SKOR2: variants seen among roughly 807,000 people sequenced by gnomAD.
SKOR2 encodes the protein LBX1 corepressor 1-like protein.
Under a neutral mutation model 69.1 loss-of-function variants are expected in SKOR2, and 47 were observed. That is an observed-to-expected ratio of 0.68 (90% CI 0.54 to 0.87). The LOEUF (loss-of-function observed/expected upper bound fraction) is 0.87. Ranked by LOEUF, SKOR2 falls within the 40% of genes least tolerant of loss-of-function variation. The pLI, the probability that SKOR2 is intolerant of heterozygous loss-of-function variation, is 0.00. For synonymous variants in SKOR2, 717 were observed against 672.6 expected (o/e 1.07, Z -1.02); for missense variants, 1,404 against 1,472.2 (o/e 0.95, Z 0.76).
At position 47,246,633 on chromosome 18, in the gene SKOR2, T is replaced by C. The variant is rs576557959; in HGVS notation, c.2551A>G (p.Ser851Gly). ...TGAACTGGGCTGCCCGGGCTGCTGC[T>C]GCCGCCGCCACTCGCCTTCTGGGGG... Reference protein sequence around the residue: ...LAPQKASGGGSSSPGSPVHHP... With the variant: ...LAPQKASGGGGSSPGSPVHHP... Residue 851 changes from serine (S) to glycine (G), a missense_variant, in exon 2 of 9, where the codon AGC becomes GGC. Coordinates refer to ENST00000425639, the MANE Select transcript of SKOR2 (RefSeq NM_001278063.4). 337 of 1,517,134 alleles carry C rather than the reference T, an allele frequency of 2.2e-4. 3 individuals carry two copies. The African/African-American group carries it at 3.7e-3, about 17-fold the overall frequency. The allele number at this position is 1,517,134 out of a possible 1,614,324, so 94.0% of individuals were successfully genotyped here. A position where few individuals can be genotyped will look rare whatever the true frequency, so the allele number is the denominator to read the frequency against.
intron 7 of SKOR2, among the ~76,000 whole-genome samples, chr18:47,216,459 A>G (rs1215760799): frequency 6.6e-6 from 1 of 152,192 alleles, no homozygotes; most frequent in African/African-American, 2.4e-5. Context: ...TAAATCTCAC[A>G]TTGAGATAAG....
intron 7 of SKOR2, among the ~76,000 whole-genome samples, chr18:47,217,344 G>T (rs34901639): frequency 1.3e-5 from 2 of 152,048 alleles, no homozygotes; most frequent in Non-Finnish European, 2.9e-5. Context: ...CCTTATAGCC[G>T]TTCATTTTGG....
At position 47,246,943 on chromosome 18, in the gene SKOR2, C is replaced by T; in HGVS notation, c.2241G>A (p.Glu747=). The change falls in exon 2 of 9, where the codon GAG becomes GAA. Residue 747 remains glutamate (E), a synonymous_variant. Transcript: ENST00000425639. ...DEEEEQEVDV[E]GHKPPEGEEE... is the part of the protein sequence containing the mutation. ...CCTCGCCCTCGGGGGGCTTGTGGCC[C>T]TCCACGTCCACCTCCTGCTCTTCTT... The T allele has an allele frequency of 5.3e-6, 8 of 1,497,470 alleles. No homozygotes were observed. Among genetic ancestry groups the T allele is most frequent in the Non-Finnish European group, 7.1e-6 (8 of 1,129,894 alleles). The allele number at this position is 1,497,470 out of a possible 1,614,324, so 92.8% of individuals were successfully genotyped here.
In SKOR2 at chr18:47,248,241, C is replaced by A. The variant is rs1000286259; in HGVS notation, c.943G>T (p.Asp315Tyr). Reference protein sequence around the residue: ...HHKRPRFDDDDDSLQEAAVVA... With the variant: ...HHKRPRFDDDYDSLQEAAVVA... Reference sequence around the variant, plus strand: ...ACGGCGGCCTCCTGCAAGGAGTCGTCGTCGTCGTCGAAGCGCGGCCGCTTG... The same window carrying A: ...ACGGCGGCCTCCTGCAAGGAGTCGTAGTCGTCGTCGAAGCGCGGCCGCTTG... The change falls in exon 2 of 9, where the codon GAC (aspartate) becomes TAC (tyrosine). Residue 315 changes from aspartate to tyrosine, a missense_variant. This residue lies in a region of SKOR2 where 1,266 missense variants were observed against 1,309.9 expected (regional missense o/e 0.97). Coordinates refer to ENST00000425639, the MANE Select transcript of SKOR2 (RefSeq NM_001278063.4). The surrounding 1 kb of genome is among the most constrained non-coding windows in gnomAD (Gnocchi z 6.4). 6 of 1,223,976 alleles carry A rather than the reference C, an allele frequency of 4.9e-6. No individual in the cohort carries two copies. The highest frequency in any genetic ancestry group is 3.9e-5 in the South Asian group (1 of 25,764). 75.8% of individuals were successfully genotyped at this position (1,223,976 alleles called of 1,614,324 possible). A position where few individuals can be genotyped will look rare whatever the true frequency, so the allele number is the denominator to read the frequency against.
intron 6 of SKOR2, among the ~76,000 whole-genome samples, chr18:47,227,326 A>ATT (rs778462203): frequency 0.018 from 1,659 of 91,158 alleles, 196 homozygotes; most frequent in African/African-American, 0.025. Flanking sequence ...CAAGAAGCCA[A>ATT]TTTTTTTTTT....
Position 47,246,612 on chromosome 18 carries a change from C to T in SKOR2, c.2572G>A (p.Val858Ile). Residue 858 changes from valine to isoleucine, a missense_variant, in exon 2 of 9, where the codon GTT becomes ATT. By Grantham distance (29) the Val-to-Ile change is conservative. This residue lies in a region of SKOR2 where 1,266 missense variants were observed against 1,309.9 expected (regional missense o/e 0.97). Transcript: ENST00000425639. Reference protein sequence around the residue: ...GGGSSSPGSPVHHPSLEEQPS... With the variant: ...GGGSSSPGSPIHHPSLEEQPS... Reference sequence around the variant, plus strand: ...TGCTCCTCCAGTGATGGATGGTGAACTGGGCTGCCCGGGCTGCTGCTGCCG... The same window carrying T: ...TGCTCCTCCAGTGATGGATGGTGAATTGGGCTGCCCGGGCTGCTGCTGCCG... 1.3e-6 allele frequency: 2 copies of T among 1,522,260 alleles called. No homozygotes were observed. Among genetic ancestry groups the T allele is most frequent in the Non-Finnish European group, 1.8e-6 (2 of 1,140,880 alleles). 94.3% of individuals were successfully genotyped at this position (1,522,260 alleles called of 1,614,324 possible).
intron 8 of SKOR2, among the ~76,000 whole-genome samples, chr18:47,207,509 G>A (rs991436587): frequency 7.9e-5 from 12 of 152,090 alleles, no homozygotes; most frequent in Non-Finnish European, 1.8e-4. Context: ...TCAGCTGTAG[G>A]GGGGTGAAAG....
At chr18:47,241,538 G>A (rs2064248660) in intron 4 of SKOR2, among the ~76,000 whole-genome samples, 1 of 152,070 alleles carries the variant, frequency 6.6e-6, no homozygotes, top group African/African-American at 2.4e-5. Flanking sequence ...AGCTGACGGT[G>A]CACCAAGTTA....
At chr18:47,222,734 A>AG in intron 6 of SKOR2, among the ~76,000 whole-genome samples, 2 of 152,330 alleles carry the variant, frequency 1.3e-5, no homozygotes, top group East Asian at 3.9e-4. Flanking sequence ...ATTAGGAAGG[A>AG]GGGGCTGCCT....
At position 47,249,167 on chromosome 18, in the gene SKOR2, A is replaced by T; in HGVS notation, c.17T>A (p.Leu6Gln). ...CAGCAGGATGTCGTTGGGCCCTGGC[A>T]GCGGACTGGAAGCCATCTCCGCCGC... Reference protein sequence around the residue: MASSPLPGPNDILLAS... With the variant: MASSPQPGPNDILLAS... Residue 6 changes from leucine (L) to glutamine (Q), a missense_variant, in exon 2 of 9, where the codon CTG becomes CAG. Leu to Gln is a moderately radical substitution (Grantham distance 113). Coordinates refer to ENST00000425639, the MANE Select transcript of SKOR2 (RefSeq NM_001278063.4). 3.3e-6 allele frequency: 5 copies of T among 1,535,142 alleles called. No homozygotes were observed. The highest frequency in any genetic ancestry group is 4.4e-6 in the Non-Finnish European group (5 of 1,146,326).
intron 4 of SKOR2, among the ~76,000 whole-genome samples, chr18:47,241,195 G>T (rs986600177): frequency 2.0e-5 from 3 of 152,174 alleles, no homozygotes; most frequent in African/African-American, 7.2e-5. Flanking sequence ...GGCATTCAAA[G>T]ATATTTGTGG....
chr18:47,227,327 T>A, intron 6 of SKOR2, among the ~76,000 whole-genome samples: 1 of 74,788 alleles, frequency 1.3e-5, no homozygotes, highest in African/African-American at 1.1e-4. Context: ...AAGAAGCCAA[T>A]TTTTTTTTTT....
At position 47,247,246 on chromosome 18, in the gene SKOR2, C is replaced by T. The variant is rs890533819; in HGVS notation, c.1938G>A (p.Ala646=). 4.1e-6 allele frequency: 6 copies of T among 1,469,584 alleles called. No individual in the cohort carries two copies. Among genetic ancestry groups the T allele is most frequent in the Middle Eastern group, 2.4e-4 (1 of 4,228 alleles). 91.0% of individuals were successfully genotyped at this position (1,469,584 alleles called of 1,614,324 possible). Reference sequence around the variant, plus strand: ...GGGGATGCGTCTGGGCCGAGTGGGGCGCGCCCGCCGACGCCCCGTGCAGCT... The same window carrying T: ...GGGGATGCGTCTGGGCCGAGTGGGGTGCGCCCGCCGACGCCCCGTGCAGCT... The part of the protein sequence containing the change: ...LAKLHGASAG[A]PHSAQTHPHH... Residue 646 remains alanine, a synonymous_variant, in exon 2 of 9, where the codon GCG becomes GCA. Transcript: ENST00000425639. This position sits in a 1 kb window ranked among gnomAD's most constrained non-coding sequence, Gnocchi z 6.6.
In SKOR2 at chr18:47,248,449, G is replaced by A; in HGVS notation, c.735C>T (p.Pro245=). Residue 245 remains proline, a synonymous_variant, in exon 2 of 9, where the codon CCC becomes CCT. Transcript: ENST00000425639. This position sits in a 1 kb window ranked among gnomAD's most constrained non-coding sequence, Gnocchi z 6.4. ...GGCAGGCGGGGTGCGCGCCCGGCTG[G>A]GGCAGTGCGCGCTTGCGGCTGCCGC... ...FNGGSRKRAL[P]QPGAHPACHP... is the part of the protein sequence containing the mutation. The A allele has an allele frequency of 6.5e-7, 1 of 1,535,562 alleles. No individual in the cohort carries two copies. Among genetic ancestry groups the A allele is most frequent in the Non-Finnish European group, 8.7e-7 (1 of 1,146,432 alleles).
At position 47,230,576 on chromosome 18, in the gene SKOR2, G is replaced by A; in HGVS notation, c.2819-19C>T. On this transcript the variant is annotated intron_variant, in intron 5 of 8. Coordinates refer to ENST00000425639, the MANE Select transcript of SKOR2 (RefSeq NM_001278063.4). ...AGTTCTTCTAATAAAAAAAAGAAGA[G>A]TCATTTTACTAATCTTTACAAATAA... 1 of 1,343,524 alleles carries A rather than the reference G, an allele frequency of 7.4e-7. No individual in the cohort carries two copies. The allele number at this position is 1,343,524 out of a possible 1,614,324, so 83.2% of individuals were successfully genotyped here.
chr18:47,218,233 A>G (rs2064150223), intron 7 of SKOR2, among the ~76,000 whole-genome samples: 1 of 151,990 alleles, frequency 6.6e-6, no homozygotes, highest in African/African-American at 2.4e-5. Flanking sequence ...TATACTCACC[A>G]CCACCCCCTG....
In SKOR2 at chr18:47,247,334, C is replaced by T. The variant is rs1311338614; in HGVS notation, c.1850G>A (p.Ser617Asn). The change falls in exon 2 of 9, where the codon AGC (serine) becomes AAC (asparagine). Residue 617 changes from serine (S) to asparagine (N), a missense_variant. By Grantham distance (46) the Ser-to-Asn change is conservative (BLOSUM62 1). Around this residue, in one of 3 missense-constraint regions of SKOR2, gnomAD observed 1,266 missense variants for 1,309.9 expected, o/e 0.97. Coordinates refer to ENST00000425639, the MANE Select transcript of SKOR2 (RefSeq NM_001278063.4). The surrounding 1 kb of genome is among the most constrained non-coding windows in gnomAD (Gnocchi z 6.6). ...CCGGAAGGCGCTGGAATGGTGGTAG[C>T]TGCCACCGCCCGCTTTGCGCCCCTC... ...LLEGRKAGGGSYHHSSAFRPV... is the reference protein window; with the variant it reads ...LLEGRKAGGGNYHHSSAFRPV... The T allele has an allele frequency of 2.7e-6, 4 of 1,475,976 alleles. No individual in the cohort carries two copies. Among genetic ancestry groups the T allele is most frequent in the African/African-American group, 1.5e-5 (1 of 68,518 alleles). 91.4% of individuals were successfully genotyped at this position (1,475,976 alleles called of 1,614,324 possible). A position where few individuals can be genotyped will look rare whatever the true frequency, so the allele number is the denominator to read the frequency against.
At chr18:47,234,432 C>G (rs1357273584) in intron 4 of SKOR2, 1 of 152,154 alleles carries the variant, frequency 6.6e-6, no homozygotes, top group Non-Finnish European at 1.5e-5. Context: ...TTCCCTCACC[C>G]CTTTTGTTTT....
intron 6 of SKOR2, among the ~76,000 whole-genome samples, chr18:47,225,725 TAAG>T (rs1305617855): frequency 2.0e-5 from 3 of 152,048 alleles, no homozygotes; most frequent in Non-Finnish European, 2.9e-5. Context: ...GTGCTCCAGA[TAAG>T]AAGGAGGACT....
Sources: gnomAD v4.1 joint callset for allele counts (sites outside exome capture counted in the v4.1 genomes callset) on GRCh38, gnomAD v4.1.1 for gene constraint, gnomAD v4.1.1 regional missense constraint, Gnocchi (gnomAD v3.1) non-coding constraint, MANE v1.5 for transcripts, NCBI Gene and HGNC (gene_info 2026-07-23, HGNC 2026-07-21) for gene names.